The following NME8 variants were observed in gnomAD, a reference collection of about 807,000 sequenced individuals.
NME8 encodes protein NME8.
A neutral mutation model predicts 82.3 loss-of-function variants in NME8; 72 were observed. The ratio of observed to expected loss-of-function variants is 0.87; its 90% CI spans 0.72 to 1.06. The LOEUF is 1.06. NME8 is among the 50% of genes least tolerant of loss of function. The pLI is 0.00. For synonymous variants in NME8, 267 were observed against 228.5 expected (o/e 1.17, Z -1.52); for missense variants, 712 against 685.4 (o/e 1.04, Z -0.43).
chr7:37,868,955 A>G (rs2131953353), intron 11 of NME8, among the ~76,000 whole-genome samples: 1 of 152,280 alleles, frequency 6.6e-6, no homozygotes, highest in African/African-American at 2.4e-5. Flanking sequence ...GGAGAGTGTA[A>G]CAAAGCAGTT....
chr7:37,854,044 G>A (rs978622324), intron 5 of NME8, among the ~76,000 whole-genome samples: 1 of 150,764 alleles, frequency 6.6e-6, no homozygotes, highest in Non-Finnish European at 1.5e-5. Context: ...GGAGTTAGGG[G>A]TGCTAACCCC....
intron 5 of NME8, among the ~76,000 whole-genome samples, chr7:37,855,640 G>T (rs1171197589): frequency 6.6e-6 from 1 of 152,140 alleles, no homozygotes; most frequent in Non-Finnish European, 1.5e-5. Flanking sequence ...GTCAGCAGCA[G>T]CTGCTTCTCC....
At chr7:37,852,587 G>A (rs1204331845) in intron 5 of NME8, among the ~76,000 whole-genome samples, 1 of 152,110 alleles carries the variant, frequency 6.6e-6, no homozygotes, top group Non-Finnish European at 1.5e-5. Context: ...CATATAGTTA[G>A]AATCACATAG....
Position 37,873,396 on chromosome 7 carries a change from T to A in NME8, c.819-3436T>A, listed in dbSNP as rs1272530634. On this transcript the variant is annotated intron_variant, in intron 11 of 17. Transcript: ENST00000199447. ...AAAAGAAAAGAAAATAGTCTTTATG[T>A]ACCTTTGAATATATAAACATATGAG... 6.0e-5 allele frequency among the ~76,000 whole-genome samples: 9 copies of A among 149,688 alleles called. No individual in the cohort carries two copies. In the East Asian group the frequency reaches 1.7e-3, roughly 29 times the overall value.
Position 37,849,868 on chromosome 7 carries a change from T to TAAAAAAAAAAA in NME8, c.-7-392_-7-391insAAAAAAAAAAA, listed in dbSNP as rs1562826444. Among the ~76,000 whole-genome samples the TAAAAAAAAAAA allele has an allele frequency of 3.6e-5, 4 of 111,584 alleles. 1 individual carries two copies. Among genetic ancestry groups the TAAAAAAAAAAA allele is most frequent in the Non-Finnish European group, 1.7e-5 (1 of 58,110 alleles). The allele number at this position is 111,584 out of a possible 152,430, so 73.2% of individuals were successfully genotyped here. Reference sequence around the variant, plus strand: ...TCTGGCAACAGAGTGAGACTATGTCTCAAAAAAAAAAAAAAAAAAAAAGAA... The same window carrying TAAAAAAAAAAA: ...TCTGGCAACAGAGTGAGACTATGTCTAAAAAAAAAAACAAAAAAAAAAAAAAAAAAAAAGAA... On this transcript the variant is annotated intron_variant, in intron 2 of 17. Coordinates refer to ENST00000199447, the MANE Select transcript of NME8 (RefSeq NM_016616.5).
intron 11 of NME8, among the ~76,000 whole-genome samples, chr7:37,868,964 T>C (rs1299751050): frequency 2.6e-5 from 4 of 152,160 alleles, no homozygotes; most frequent in Admixed American, 6.5e-5. Flanking sequence ...AACAAAGCAG[T>C]TGTCAGGCTG....
At position 37,850,283 on chromosome 7, in the gene NME8, G is replaced by A. The variant is rs199576209; in HGVS notation, c.17G>A (p.Arg6Gln). 193 of 1,613,796 alleles carry A rather than the reference G, an allele frequency of 1.2e-4. No homozygotes were observed. Among genetic ancestry groups the A allele is most frequent in the African/African-American group, 2.7e-5 (2 of 74,860 alleles). The part of the protein sequence containing the change: MASKK[R>Q]EVQLQTVINN... The stretch of plus-strand genomic sequence containing the variant: ...AGTAGATAAATGGCAAGCAAAAAAC[G>A]AGAAGTCCAGTTACAGGTGGGTCTG... Residue 6 changes from arginine (R) to glutamine (Q), a missense_variant, in exon 3 of 18, where the codon CGA becomes CAA. Arg to Gln is a conservative substitution (Grantham distance 43). Transcript: ENST00000199447.
chr7:37,857,404 G>A, intron 6 of NME8, 59 bp downstream of exon 6: 1 of 1,086,036 alleles, frequency 9.2e-7, no homozygotes, highest in Middle Eastern at 2.0e-4. Flanking sequence ...TTAAGAACAA[G>A]TAACATTGTA....
intron 12 of NME8, among the ~76,000 whole-genome samples, chr7:37,882,519 G>A (rs919785349): frequency 1.3e-5 from 2 of 148,254 alleles, no homozygotes; most frequent in Non-Finnish European, 3.0e-5. Flanking sequence ...ATAAAGGAAG[G>A]AAGGAAGGAG....
At chr7:37,876,156 C>A (rs1423570164) in intron 11 of NME8, among the ~76,000 whole-genome samples, 1 of 151,330 alleles carries the variant, frequency 6.6e-6, no homozygotes, top group East Asian at 1.9e-4. Flanking sequence ...AGCAGTGAGC[C>A]AAGATTGCAC....
At position 37,861,369 on chromosome 7, in the gene NME8, G is replaced by C; in HGVS notation, c.271-659G>C. On this transcript the variant is annotated intron_variant, in intron 6 of 17. Coordinates refer to ENST00000199447, the MANE Select transcript of NME8 (RefSeq NM_016616.5). ...CTTTCTTCTCCTTTTTGCCCAATTA[G>C]CTCTTACCCGTCTTTCATATTTTAA... 1.3e-5 allele frequency among the ~76,000 whole-genome samples: 2 copies of C among 152,040 alleles called. 1 individual carries two copies. The highest frequency in any genetic ancestry group is 6.3e-3 in the Middle Eastern group (2 of 316).
chr7:37,867,347 C>A (rs369243094), intron 10 of NME8, among the ~76,000 whole-genome samples: 1 of 151,354 alleles, frequency 6.6e-6, no homozygotes, highest in African/African-American at 2.4e-5. Context: ...ATGAGAGGCA[C>A]GTTTGCCTGA....
At chr7:37,889,911 C>A (rs1785102507) in intron 15 of NME8, among the ~76,000 whole-genome samples, 1 of 151,894 alleles carries the variant, frequency 6.6e-6, no homozygotes, top group Non-Finnish European at 1.5e-5. Context: ...AGGTATGAGT[C>A]ACCTGTTTTC....
intron 12 of NME8, among the ~76,000 whole-genome samples, chr7:37,878,134 T>G (rs1784885588): frequency 6.6e-6 from 1 of 152,200 alleles, no homozygotes; most frequent in Non-Finnish European, 1.5e-5. Context: ...TTAAGAAAAT[T>G]ACCACCTCTT....
At chr7:37,871,612 G>C (rs1019268809) in intron 11 of NME8, among the ~76,000 whole-genome samples, 1 of 152,006 alleles carries the variant, frequency 6.6e-6, no homozygotes, top group Non-Finnish European at 1.5e-5. Flanking sequence ...CCAAATCCTA[G>C]AGATACAAAG....
chr7:37,892,950 A>C (rs772468498), intron 15 of NME8, among the ~76,000 whole-genome samples: 1 of 151,942 alleles, frequency 6.6e-6, no homozygotes, highest in African/African-American at 2.4e-5. Context: ...CAGGGGAATA[A>C]ATTTTTTAAT....
intron 11 of NME8, among the ~76,000 whole-genome samples, chr7:37,869,253 A>C (rs1038765282): frequency 2.6e-5 from 4 of 152,194 alleles, no homozygotes; most frequent in African/African-American, 9.7e-5. Context: ...AAAGGAACTC[A>C]TAAGGTAAAT....
At chr7:37,855,628 T>C (rs1279536384) in intron 5 of NME8, among the ~76,000 whole-genome samples, 1 of 152,218 alleles carries the variant, frequency 6.6e-6, no homozygotes, top group Non-Finnish European at 1.5e-5. Flanking sequence ...TGCTGTCTCT[T>C]GGTCAGCAGC....
chr7:37,873,370 A>AAAAAAAAAAAG (rs796807809), intron 11 of NME8, among the ~76,000 whole-genome samples: 6 of 147,094 alleles, frequency 4.1e-5, no homozygotes, highest in South Asian at 2.2e-4. Flanking sequence ...AAAAAAAAAA[A>AAAAAAAAAAAG]AAAAGAAAAG....
Sources: allele counts gnomAD v4.1 joint callset (sites outside exome capture counted in the v4.1 genomes callset), GRCh38; gene constraint gnomAD v4.1.1; transcripts MANE v1.5; gene names NCBI Gene and HGNC (gene_info 2026-07-23, HGNC 2026-07-21).